The following FERMT2 variants were observed in gnomAD, a reference collection of about 807,000 sequenced individuals.
The protein encoded by FERMT2 is FERM domain containing kindlin 2, also known as fermitin family homolog 2.
A neutral mutation model predicts 82.7 loss-of-function variants in FERMT2; 15 were observed. The observed-to-expected ratio is 0.18, with a 90% CI of 0.12 to 0.28. The LOEUF (loss-of-function observed/expected upper bound fraction) is 0.28. Among genes scored for constraint, FERMT2 ranks in the 10% least tolerant of loss-of-function variants. The probability of loss-of-function intolerance (pLI) is 1.00; values close to 1 mark genes in which losing one functional copy is unlikely to be tolerated. For missense variants in FERMT2, 645 were observed against 809.4 expected (o/e 0.80, Z 2.46); for synonymous variants, 274 against 271.5 (o/e 1.01, Z -0.09).
Position 52,860,351 on chromosome 14 carries a change from A to C in FERMT2, c.1717T>G (p.Phe573Val). 6.2e-7 allele frequency: 1 copy of C among 1,613,970 alleles called. No homozygotes were observed. Among genetic ancestry groups the C allele is most frequent in the Non-Finnish European group, 8.5e-7 (1 of 1,179,946 alleles). Residue 573 changes from phenylalanine to valine, a missense_variant, in exon 13 of 15, where the codon TTC (phenylalanine) becomes GTC (valine). Phe to Val is a conservative substitution (Grantham distance 50). Transcript: ENST00000341590. ...CTTAGAACCACTGACCTTGCAATGAAGTGAGTGATGCCAAATTCAGGTAGT... is the reference window on the plus strand; with the variant it reads ...CTTAGAACCACTGACCTTGCAATGACGTGAGTGATGCCAAATTCAGGTAGT... ...QSLPEFGITH[F>V]IARFQGGKKE...
At chr14:52,918,295 G>A (rs982530436) in intron 3 of FERMT2, among the ~76,000 whole-genome samples, 5 of 152,092 alleles carry the variant, frequency 3.3e-5, no homozygotes, top group Admixed American at 1.3e-4. Context: ...AAAAAAATCC[G>A]ATATGTATGG....
At chr14:52,909,535 C>G (rs2139606516) in intron 3 of FERMT2, among the ~76,000 whole-genome samples, 1 of 152,320 alleles carries the variant, frequency 6.6e-6, no homozygotes, top group East Asian at 1.9e-4. Flanking sequence ...TGCGTGTAAT[C>G]CCAGCACTTT....
intron 10 of FERMT2, among the ~76,000 whole-genome samples, chr14:52,866,755 T>C (rs1297671022): frequency 6.6e-6 from 1 of 152,182 alleles, no homozygotes; most frequent in Non-Finnish European, 1.5e-5. Context: ...CCACCTCTTA[T>C]GTCTCCAAGA....
intron 2 of FERMT2, among the ~76,000 whole-genome samples, chr14:52,944,673 C>T (rs7494379): frequency 0.24 from 36,761 of 152,176 alleles, 5,196 homozygotes; most frequent in East Asian, 0.39. Flanking sequence ...ATGCAATGAA[C>T]GTATACCATA....
At chr14:52,877,133 A>G (rs1326230571) in intron 7 of FERMT2, among the ~76,000 whole-genome samples, 1 of 152,196 alleles carries the variant, frequency 6.6e-6, no homozygotes, top group Non-Finnish European at 1.5e-5. Context: ...TTGAGCACCT[A>G]CTATGTGCCA....
intron 3 of FERMT2, 47 bp downstream of exon 3, chr14:52,919,076 G>T: frequency 7.5e-7 from 1 of 1,327,028 alleles, no homozygotes; most frequent in Non-Finnish European, 1.1e-6. Context: ...TCGGTCATCT[G>T]TACATCACAT....
intron 12 of FERMT2, 65 bp downstream of exon 12, chr14:52,864,336 C>CA: frequency 8.0e-7 from 1 of 1,256,400 alleles, no homozygotes; most frequent in Non-Finnish European, 1.1e-6. Context: ...AGGGGAAAAA[C>CA]AAAGTTATGT....
At chr14:52,889,477 G>A (rs1195173199) in intron 4 of FERMT2, among the ~76,000 whole-genome samples, 2 of 152,184 alleles carry the variant, frequency 1.3e-5, no homozygotes, top group Non-Finnish European at 2.9e-5. Context: ...GTAAGAATTG[G>A]TAAGGATGCT....
At chr14:52,907,787 C>A (rs950774708) in intron 3 of FERMT2, among the ~76,000 whole-genome samples, 12 of 149,814 alleles carry the variant, frequency 8.0e-5, no homozygotes, top group East Asian at 5.9e-4. Context: ...AAAAAAAAAA[C>A]CCCACCAAAA....
At position 52,882,752 on chromosome 14, in the gene FERMT2, C is replaced by G. The variant is rs113187817; in HGVS notation, c.527-1283G>C. ...TGCCTGTGAAAAAGTGGTGCTAATGCTAGAGATTTTTGTAGCTGTCATGAC... is the reference window on the plus strand; with the variant it reads ...TGCCTGTGAAAAAGTGGTGCTAATGGTAGAGATTTTTGTAGCTGTCATGAC... On this transcript the variant is annotated intron_variant, in intron 4 of 14. Coordinates refer to ENST00000341590, the MANE Select transcript of FERMT2 (RefSeq NM_006832.3). Among the ~76,000 whole-genome samples the G allele has an allele frequency of 8.0e-3, 1,202 of 151,138 alleles. 7 individuals are homozygous for G. Among genetic ancestry groups the G allele is most frequent in the Non-Finnish European group, 0.014 (950 of 67,932 alleles).
Position 52,919,299 on chromosome 14 carries a change from A to G in FERMT2, c.215T>C (p.Leu72Pro). 1 of 1,614,100 alleles carries G rather than the reference A, an allele frequency of 6.2e-7. No homozygotes were observed. Among genetic ancestry groups the G allele is most frequent in the Non-Finnish European group, 8.5e-7 (1 of 1,179,964 alleles). The change falls in exon 3 of 15, where the codon CTT becomes CCT. Residue 72 changes from leucine to proline, a missense_variant. Physicochemically the swap from Leu to Pro is moderately conservative, Grantham distance 98. Coordinates refer to ENST00000341590, the MANE Select transcript of FERMT2 (RefSeq NM_006832.3). ...ALWWEKKRTW[L>P]LKTHWTLDKY... is the part of the protein sequence containing the mutation. Reference sequence around the variant, plus strand: ...ATCTAAGGTCCAATGTGTCTTCAGAAGCCAAGTTCTCTTCTTTTCCCACCA... The same window carrying G: ...ATCTAAGGTCCAATGTGTCTTCAGAGGCCAAGTTCTCTTCTTTTCCCACCA...
At chr14:52,916,326 AGAGC>A (rs983725908) in intron 3 of FERMT2, among the ~76,000 whole-genome samples, 21 of 151,786 alleles carry the variant, frequency 1.4e-4, no homozygotes, top group African/African-American at 4.8e-4. Flanking sequence ...CCTGGGCAAC[AGAGC>A]GAGACTCGTC....
At chr14:52,894,119 G>A (rs533102639) in intron 3 of FERMT2, among the ~76,000 whole-genome samples, 6 of 152,160 alleles carry the variant, frequency 3.9e-5, no homozygotes, top group Non-Finnish European at 8.8e-5. Flanking sequence ...GAGCCACCGT[G>A]CCCGGCCCCA....
intron 9 of FERMT2, chr14:52,873,529 T>C (rs554669527): frequency 4.6e-5 from 7 of 152,610 alleles, no homozygotes; most frequent in South Asian, 2.1e-4. Flanking sequence ...AAGGGTAGGG[T>C]AGTGGATCTG....
chr14:52,888,752 T>C (rs542823105), intron 4 of FERMT2, among the ~76,000 whole-genome samples: 13 of 152,350 alleles, frequency 8.5e-5, no homozygotes, highest in Middle Eastern at 3.4e-3. Flanking sequence ...CTAAGACTTA[T>C]AGAAACATTC....
chr14:52,880,435 G>A (rs755994689), intron 6 of FERMT2, among the ~76,000 whole-genome samples: 7 of 152,134 alleles, frequency 4.6e-5, no homozygotes, highest in Non-Finnish European at 8.8e-5. Context: ...GTCTTGCCCT[G>A]TTGCCCAGGC....
intron 3 of FERMT2, among the ~76,000 whole-genome samples, chr14:52,906,325 C>CA (rs1427810783): frequency 9.2e-5 from 14 of 152,306 alleles, no homozygotes; most frequent in African/African-American, 2.6e-4. Flanking sequence ...AACAGAAAGA[C>CA]AGAGTACTGA....
intron 3 of FERMT2, among the ~76,000 whole-genome samples, chr14:52,898,372 A>G (rs1276413954): frequency 1.3e-5 from 2 of 152,196 alleles, no homozygotes; most frequent in African/African-American, 4.8e-5. Flanking sequence ...TATATTTAAG[A>G]TATAAAGTTA....
chr14:52,890,836 C>T (rs2139535335), intron 4 of FERMT2, among the ~76,000 whole-genome samples: 1 of 152,198 alleles, frequency 6.6e-6, no homozygotes, highest in African/African-American at 2.4e-5. Flanking sequence ...CTCCTGACCT[C>T]AGGTGATCCA....
Sources: allele counts gnomAD v4.1 joint callset (sites outside exome capture counted in the v4.1 genomes callset), GRCh38; gene constraint gnomAD v4.1.1; transcripts MANE v1.5; gene names NCBI Gene and HGNC (gene_info 2026-07-23, HGNC 2026-07-21).